Variants in MROH2B observed in about 807,000 individuals in gnomAD.
MROH2B encodes the protein maestro heat like repeat family member 2B.
A neutral mutation model predicts 208.6 loss-of-function variants in MROH2B; 177 were observed. The ratio of observed to expected loss-of-function variants is 0.85; its 90% CI spans 0.75 to 0.96. The LOEUF (loss-of-function observed/expected upper bound fraction) is 0.96. MROH2B is among the 40% of genes least tolerant of loss of function. MROH2B has a pLI of 0.00. For missense variants in MROH2B, 2,002 were observed against 1,878.7 expected, an observed-to-expected ratio of 1.07 and a Z score of -1.21; for synonymous variants, 728 against 659.0, an observed-to-expected ratio of 1.10 and a Z score of -1.60.
chr5:41,009,491 A>T, intron 31 of MROH2B, 85 bp from the exon 32 acceptor site: 1 of 1,498,396 alleles, frequency 6.7e-7, no homozygotes, highest in Non-Finnish European at 9.0e-7. Flanking sequence ...CTAAAATCAC[A>T]TTATGACTAA....
chr5:40,999,609 TC>T, intron 40 of MROH2B, 67 bp downstream of exon 40: 4 of 1,397,976 alleles, frequency 2.9e-6, no homozygotes, highest in Non-Finnish European at 3.9e-6. Flanking sequence ...CTGGACAGCT[TC>T]TGGTCAAAGC....
intron 28 of MROH2B, 117 bp from the exon 29 acceptor site, chr5:41,015,595 T>C (rs1741920692): frequency 1.2e-6 from 1 of 839,278 alleles, no homozygotes; most frequent in Admixed American, 2.4e-5. Context: ...ATGGTGAACA[T>C]AAGCGCTAAC....
At chr5:41,052,610 G>T in intron 11 of MROH2B, 23 bp from the exon 12 acceptor site, 1 of 1,578,996 alleles carries the variant, frequency 6.3e-7, no homozygotes, top group Non-Finnish European at 8.6e-7. Context: ...CAATGCAATA[G>T]CAACATTTTA....
At chr5:41,026,942 A>T in intron 24 of MROH2B, among the ~76,000 whole-genome samples, 1 of 152,226 alleles carries the variant, frequency 6.6e-6, no homozygotes, top group East Asian at 1.9e-4. Context: ...TGGGGAAAGG[A>T]TTCCTTATTT....
chr5:41,016,502 T>TTTG (rs1741955867), intron 28 of MROH2B, among the ~76,000 whole-genome samples: 4 of 133,814 alleles, frequency 3.0e-5, no homozygotes, highest in East Asian at 2.1e-4. Context: ...TGTAATGTTT[T>TTTG]TTTTTTTTTT....
chr5:41,067,300 T>G (rs1743841746), intron 2 of MROH2B, 82 bp from the exon 3 acceptor site: 1 of 722,560 alleles, frequency 1.4e-6, no homozygotes, highest in Non-Finnish European at 2.5e-6. Flanking sequence ...ATAACACCAT[T>G]AAAGTAAGCA....
chr5:41,061,832 T>A, intron 5 of MROH2B, 108 bp from the exon 6 acceptor site: 1 of 1,213,342 alleles, frequency 8.2e-7, no homozygotes, highest in South Asian at 1.7e-5. Context: ...GTAATGGTTT[T>A]TAGATGATCT....
At position 41,016,668 on chromosome 5, in the gene MROH2B, A is replaced by G. The variant is rs1271415056; in HGVS notation, c.2884+1182T>C. 2.0e-5 allele frequency among the ~76,000 whole-genome samples: 3 copies of G among 151,646 alleles called. No homozygotes were observed. In the East Asian group the frequency reaches 5.8e-4, roughly 30 times the overall value. On this transcript the variant is annotated intron_variant, in intron 28 of 41. Coordinates refer to ENST00000399564, the MANE Select transcript of MROH2B (RefSeq NM_173489.5). ...TAATTTTTTGTATTTTTGGGAGACA[A>G]TGGGGTTTCACCATGTTGGCCAGGC...
chr5:41,068,347 C>T (rs919526341), intron 2 of MROH2B, among the ~76,000 whole-genome samples: 3 of 152,134 alleles, frequency 2.0e-5, no homozygotes, highest in African/African-American at 7.2e-5. Flanking sequence ...GTCTGCAGGC[C>T]TTGTTCTTTG....
chr5:41,057,242 T>C (rs977575506), intron 8 of MROH2B, 26 bp downstream of exon 8: 3 of 1,609,002 alleles, frequency 1.9e-6, no homozygotes, highest in African/African-American at 2.7e-5. Flanking sequence ...AATTAAAAAT[T>C]GGAGTTGACA....
chr5:41,007,383 T>C lies in MROH2B; in HGVS notation c.3680A>G (p.Glu1227Gly). ...GAGTAGAGTCCATAAGTTGTCCCCC[T>C]CATCAGATTCCTTTGCAAGGCCTTC... The part of the protein sequence containing the change: ...MREGLAKESD[E>G]GDNLWTLLSS... The change falls in exon 34 of 42, where the codon GAG becomes GGG. Residue 1227 changes from glutamate to glycine, a missense_variant. By Grantham distance (98) the Glu-to-Gly change is moderately conservative. Coordinates refer to ENST00000399564, the MANE Select transcript of MROH2B (RefSeq NM_173489.5). 1.9e-6 allele frequency: 3 copies of C among 1,554,024 alleles called. No homozygotes were observed. The highest frequency in any genetic ancestry group is 1.7e-6 in the Non-Finnish European group (2 of 1,147,792).
intron 6 of MROH2B, among the ~76,000 whole-genome samples, chr5:41,059,448 A>G (rs1306447097): frequency 1.3e-5 from 2 of 152,158 alleles, no homozygotes; most frequent in Non-Finnish European, 2.9e-5. Flanking sequence ...CATCATTCTT[A>G]TAGAGTTCTA....
rs550899469 is a variant in MROH2B at position 41,025,244 on chromosome 5, G to A, written c.2442-6226C>T. 3.9e-4 allele frequency among the ~76,000 whole-genome samples: 60 copies of A among 152,096 alleles called. 1 individual carries two copies. The highest frequency in any genetic ancestry group is 1.4e-3 in the African/African-American group (57 of 41,496). On this transcript the variant is annotated intron_variant, in intron 24 of 41. Transcript: ENST00000399564. ...CCCTTCAAAAAATCAATGAATCTAG[G>A]AGCTGGTTTTTTGAAAAGATCAACA...
At chr5:41,052,348 A>T (rs1743310726) in intron 12 of MROH2B, 117 bp downstream of exon 12, 2 of 972,038 alleles carry the variant, frequency 2.1e-6, no homozygotes, top group Non-Finnish European at 2.7e-6. Flanking sequence ...TTATTTATTT[A>T]TTTTTTACTC....
At chr5:41,066,254 T>C (rs372063592) in intron 3 of MROH2B, among the ~76,000 whole-genome samples, 9 of 152,258 alleles carry the variant, frequency 5.9e-5, no homozygotes, top group African/African-American at 2.2e-4. Flanking sequence ...GCGAACTAGG[T>C]AAATTTGATC....
At chr5:41,035,407 C>T (rs1247129476) in intron 21 of MROH2B, among the ~76,000 whole-genome samples, 1 of 152,160 alleles carries the variant, frequency 6.6e-6, no homozygotes, top group African/African-American at 2.4e-5. Flanking sequence ...TGAAACTAGA[C>T]CTTTACCTTT....
At chr5:41,065,600 A>AT (rs1743783338) in intron 3 of MROH2B, 110 bp from the exon 4 acceptor site, 3 of 895,138 alleles carry the variant, frequency 3.4e-6, no homozygotes, top group Non-Finnish European at 4.8e-6. Context: ...TATTTTTAAA[A>AT]TTATAGATTC....
chr5:41,069,614 G>C, intron 2 of MROH2B, 77 bp downstream of exon 2: 1 of 1,193,140 alleles, frequency 8.4e-7, no homozygotes, highest in South Asian at 1.4e-5. Context: ...AGAAAGTTGA[G>C]ACAAAGAAAA....
chr5:41,047,052 T>G (rs1227714120), intron 17 of MROH2B, among the ~76,000 whole-genome samples: 1 of 119,670 alleles, frequency 8.4e-6, no homozygotes, highest in Non-Finnish European at 1.8e-5. Flanking sequence ...AGGTAATTCC[T>G]AGGTAGATGC....
Sources: allele counts gnomAD v4.1 joint callset (sites outside exome capture counted in the v4.1 genomes callset), GRCh38; gene constraint gnomAD v4.1.1; transcripts MANE v1.5; gene names NCBI Gene and HGNC (gene_info 2026-07-23, HGNC 2026-07-21).